Variants in RTL4 observed in about 807,000 individuals in gnomAD.
RTL4 encodes the protein retrotransposon Gag-like protein 4.
A neutral mutation model predicts 5.3 loss-of-function variants in RTL4; 4 were observed. The observed-to-expected ratio is 0.75, with a 90% CI of 0.37 to 1.72. The LOEUF is 1.72. Ranked by LOEUF, RTL4 falls within the 40% of genes most tolerant of loss-of-function variation. RTL4 has a pLI of 0.04. For missense variants in RTL4, 260 were observed against 227.1 expected (o/e 1.14, Z -0.93); for synonymous variants, 98 against 87.3 (o/e 1.12, Z -0.68).
At chrX:112,323,823 T>G in the RTL4 span, among the ~76,000 whole-genome samples, 1 of 112,462 alleles carries the variant, frequency 8.9e-6, no homozygotes, top group Non-Finnish European at 1.9e-5. Context: ...ATCTATCTTT[T>G]GTTCTAAAGA....
chrX:112,381,755 C>T, the RTL4 span: 9 of 1,198,227 alleles, frequency 7.5e-6, no homozygotes, highest in Non-Finnish European at 9.0e-6. Flanking sequence ...GAAAGAAATA[C>T]AGACATTACA....
At chrX:112,304,215 T>A in the RTL4 span, among the ~76,000 whole-genome samples, 1 of 110,173 alleles carries the variant, frequency 9.1e-6, no homozygotes, top group Admixed American at 9.7e-5. Context: ...AATCCAAGGG[T>A]GTTGGCAATG....
At chrX:112,455,314 G>A in exon 1 of RTL4, 1 of 1,211,716 alleles carries the variant, frequency 8.3e-7, no homozygotes, top group Non-Finnish European at 1.1e-6. Flanking sequence ...CCAGGATGAA[G>A]AGAGTGTCAC....
At chrX:112,221,481 A>G in the RTL4 span, among the ~76,000 whole-genome samples, 19 of 112,073 alleles carry the variant, frequency 1.7e-4, no homozygotes, top group African/African-American at 5.5e-4. Flanking sequence ...TTCTTTCTCT[A>G]TGTTGGTGTT....
the RTL4 span, among the ~76,000 whole-genome samples, chrX:112,406,909 G>A: frequency 9.1e-6 from 1 of 109,716 alleles, no homozygotes; most frequent in Non-Finnish European, 1.9e-5. Flanking sequence ...GGACAGAAGG[G>A]TACCTGCTTC....
the RTL4 span, among the ~76,000 whole-genome samples, chrX:112,240,501 C>G: frequency 9.0e-6 from 1 of 111,203 alleles, no homozygotes; most frequent in African/African-American, 3.3e-5. Flanking sequence ...TAATCTAACA[C>G]AAAGCTGATT....
At chrX:112,419,989 CT>C in the RTL4 span, among the ~76,000 whole-genome samples, 1 of 110,697 alleles carries the variant, frequency 9.0e-6, no homozygotes, top group African/African-American at 3.3e-5. Context: ...AATTTCTTCT[CT>C]GAGAAGATCT....
the RTL4 span, among the ~76,000 whole-genome samples, chrX:112,217,471 A>G: frequency 8.9e-6 from 1 of 111,878 alleles, no homozygotes; most frequent in Admixed American, 9.5e-5. Flanking sequence ...AACTCCAGAA[A>G]TCACCTGGGC....
At chrX:112,401,464 C>T in the RTL4 span, among the ~76,000 whole-genome samples, 1 of 111,721 alleles carries the variant, frequency 9.0e-6, no homozygotes, top group Non-Finnish European at 1.9e-5. Flanking sequence ...TGTTGTATTG[C>T]AAAGTGCACT....
the RTL4 span, among the ~76,000 whole-genome samples, chrX:112,240,188 C>A: frequency 9.0e-6 from 1 of 111,429 alleles, no homozygotes; most frequent in Admixed American, 9.6e-5. Context: ...AGCTCCCTGG[C>A]CAGGTACAGT....
the RTL4 span, among the ~76,000 whole-genome samples, chrX:112,256,423 C>T: frequency 8.9e-6 from 1 of 112,018 alleles, no homozygotes; most frequent in East Asian, 2.8e-4. Context: ...TTGCATTTTA[C>T]AATTAATAAT....
the RTL4 span, among the ~76,000 whole-genome samples, chrX:112,116,442 A>T: frequency 5.4e-5 from 6 of 111,054 alleles, no homozygotes; most frequent in Non-Finnish European, 1.1e-4. Flanking sequence ...ACAGCGTGGA[A>T]GGGGACCCAA....
the RTL4 span, among the ~76,000 whole-genome samples, chrX:112,326,722 G>T: frequency 1.3e-4 from 15 of 112,084 alleles, no homozygotes; most frequent in Non-Finnish European, 2.6e-4. Flanking sequence ...CAAACAAAAA[G>T]ACAGCAGTAA....
chrX:112,198,577 T>C, the RTL4 span, among the ~76,000 whole-genome samples: 1 of 111,761 alleles, frequency 8.9e-6, no homozygotes, highest in South Asian at 3.7e-4. Context: ...TTTTGTCCTC[T>C]ATTATTCAAT....
the RTL4 span, among the ~76,000 whole-genome samples, chrX:112,142,762 G>C: frequency 8.9e-6 from 1 of 112,063 alleles, no homozygotes; most frequent in Non-Finnish European, 1.9e-5. Context: ...TGAATGGTAG[G>C]CTATTTCATC....
the RTL4 span, among the ~76,000 whole-genome samples, chrX:112,121,185 A>G: frequency 8.9e-6 from 1 of 112,107 alleles, no homozygotes; most frequent in African/African-American, 3.2e-5. Context: ...AGTTAAGTCA[A>G]TTGAACCTAA....
At chrX:112,415,694 T>C in the RTL4 span, among the ~76,000 whole-genome samples, 1 of 111,736 alleles carries the variant, frequency 8.9e-6, no homozygotes, top group South Asian at 3.7e-4. Context: ...TCTTATGTGA[T>C]AGACACTTTT....
the RTL4 span, among the ~76,000 whole-genome samples, chrX:112,314,018 C>T: frequency 4.5e-5 from 5 of 111,693 alleles, no homozygotes; most frequent in African/African-American, 1.6e-4. Flanking sequence ...TATCACCAGA[C>T]TGCCTGACTT....
the RTL4 span, among the ~76,000 whole-genome samples, chrX:112,393,147 C>CTTTTTTTTTTTTTTTTTTTTTTT: frequency 4.9e-5 from 4 of 81,482 alleles, no homozygotes; most frequent in Admixed American, 1.3e-4. Context: ...TTCTTTCTTT[C>CTTTTTTTTTTTTTTTTTTTTTTT]TTTTTTTTTT....
Sources: allele counts gnomAD v4.1 joint callset (sites outside exome capture counted in the v4.1 genomes callset), GRCh38; gene constraint gnomAD v4.1.1; transcripts MANE v1.5; gene names NCBI Gene and HGNC (gene_info 2026-07-23, HGNC 2026-07-21).